The following ZYG11B variants were observed in gnomAD, a reference collection of about 807,000 sequenced individuals.
ZYG11B encodes the protein zyg-11 family member B, cell cycle regulator.
A neutral mutation model predicts 82.4 loss-of-function variants in ZYG11B; 36 were observed. The ratio of observed to expected loss-of-function variants is 0.44; its 90% confidence interval spans 0.33 to 0.58. The LOEUF is 0.58. Ranked by LOEUF, ZYG11B falls within the 20% of genes least tolerant of loss-of-function variation. The pLI, the probability that ZYG11B is intolerant of heterozygous loss-of-function variation, is 0.02. For synonymous variants in ZYG11B, 303 were observed against 312.8 expected (o/e 0.97, Z 0.33); for missense variants, 552 against 895.6 (o/e 0.62, Z 4.90).
In ZYG11B at chr1:52,803,201, TATACAC is replaced by T. The variant is rs1558140413; in HGVS notation, c.1695+1064_1695+1069del. The stretch of plus-strand genomic sequence containing the variant: ...ATATATATATATACACATATATATA[TATACAC>T]ACACATATATATATATACACACATA... On this transcript the variant is annotated intron_variant, in intron 10 of 13. Transcript: ENST00000294353. Among the ~76,000 whole-genome samples, 105 of 83,978 alleles carry T rather than the reference TATACAC, an allele frequency of 1.3e-3. 7 individuals carry two copies. Among genetic ancestry groups the T allele is most frequent in the East Asian group, 6.6e-3 (4 of 602 alleles). 55.1% of individuals were successfully genotyped at this position (83,978 alleles called of 152,430 possible).
At chr1:52,775,590 C>T (rs1644796961) in intron 3 of ZYG11B, among the ~76,000 whole-genome samples, 1 of 152,058 alleles carries the variant, frequency 6.6e-6, no homozygotes, top group African/African-American at 2.4e-5. Flanking sequence ...ATTCAGGAGG[C>T]TGAGGCAGGA....
At chr1:52,746,698 T>TG (rs1369401909) in intron 1 of ZYG11B, among the ~76,000 whole-genome samples, 2 of 133,318 alleles carry the variant, frequency 1.5e-5, no homozygotes, top group African/African-American at 2.7e-5. Flanking sequence ...TTTTTTTTTT[T>TG]TTTTTTTTTT....
chr1:52,756,702 A>G, intron 2 of ZYG11B, 79 bp downstream of exon 2: 1 of 1,403,800 alleles, frequency 7.1e-7, no homozygotes, highest in African/African-American at 1.4e-5. Flanking sequence ...TAGCCATTTA[A>G]TTATTTTCTT....
At chr1:52,788,980 A>G (rs1644934921) in intron 5 of ZYG11B, among the ~76,000 whole-genome samples, 1 of 152,212 alleles carries the variant, frequency 6.6e-6, no homozygotes, top group African/African-American at 2.4e-5. Context: ...TCAATCTGCC[A>G]GATTATGATT....
rs1358717687 is a variant in ZYG11B at position 52,771,672 on chromosome 1, C to T, written c.849C>T (p.Ala283=). The change falls in exon 3 of 14, where the codon GCC becomes GCT. Residue 283 remains alanine (A), a synonymous_variant. Transcript: ENST00000294353. The surrounding 1 kb of genome is among the most constrained non-coding windows in gnomAD (Gnocchi z 5.4). ...GGAGAAAGCACGTGACAGATAAAGC[C>T]GTTGAAGCCTTTATACAACAACGTC... is the stretch of plus-strand genomic sequence containing the variant. ...VSGRKHVTDK[A]VEAFIQQRPS... 1.5e-5 allele frequency: 24 copies of T among 1,614,056 alleles called. No individual in the cohort carries two copies. Among genetic ancestry groups the T allele is most frequent in the African/African-American group, 2.7e-5 (2 of 74,926 alleles).
Position 52,793,868 on chromosome 1 carries a change from T to TTCCTTCCTTCCTTCCTTCC in ZYG11B, c.1335-2423_1335-2422insCCTTCCTTCCTTCCTTCCT, listed in dbSNP as rs1644979935. On this transcript the variant is annotated intron_variant, in intron 6 of 13. Coordinates refer to ENST00000294353, the MANE Select transcript of ZYG11B (RefSeq NM_024646.3). The stretch of plus-strand genomic sequence containing the variant: ...TTTCTTTCTTTCTTCCTTTTCTTTC[T>TTCCTTCCTTCCTTCCTTCC]TTCCTTCCTTCCTTCCTTCCTTCCT... Among the ~76,000 whole-genome samples, 95 of 95,494 alleles carry TTCCTTCCTTCCTTCCTTCC rather than the reference T, an allele frequency of 9.9e-4. 1 individual carries two copies. Among genetic ancestry groups the TTCCTTCCTTCCTTCCTTCC allele is most frequent in the African/African-American group, 3.9e-3 (93 of 23,736 alleles). 62.6% of individuals were successfully genotyped at this position (95,494 alleles called of 152,430 possible).
chr1:52,753,694 G>T (rs1234854884), intron 1 of ZYG11B, among the ~76,000 whole-genome samples: 2 of 151,496 alleles, frequency 1.3e-5, no homozygotes, highest in East Asian at 1.9e-4. Flanking sequence ...CCTCCCGGGT[G>T]CAAGCGATTC....
chr1:52,811,164 C>T (rs1186478199), intron 10 of ZYG11B, among the ~76,000 whole-genome samples: 2 of 151,930 alleles, frequency 1.3e-5, no homozygotes, highest in East Asian at 1.9e-4. Context: ...GTTTACCTAA[C>T]AAAGTTTTTT....
Position 52,771,835 on chromosome 1 carries a change from C to G in ZYG11B, c.951+61C>G. Reference sequence around the variant, plus strand: ...ACCAATATCTTAGTTGCATAAGACTCTATTAAAGATGAATGTCTGTAATAT... The same window carrying G: ...ACCAATATCTTAGTTGCATAAGACTGTATTAAAGATGAATGTCTGTAATAT... On this transcript the variant is annotated intron_variant, in intron 3 of 13. Coordinates refer to ENST00000294353, the MANE Select transcript of ZYG11B (RefSeq NM_024646.3). The surrounding 1 kb of genome is among the most constrained non-coding windows in gnomAD (Gnocchi z 5.4). 6.6e-7 allele frequency: 1 copy of G among 1,519,786 alleles called. No individual in the cohort carries two copies. The highest frequency in any genetic ancestry group is 1.3e-5 in the South Asian group (1 of 77,192). 94.1% of individuals were successfully genotyped at this position (1,519,786 alleles called of 1,614,324 possible).
At chr1:52,805,832 A>G (rs1200278118) in intron 10 of ZYG11B, among the ~76,000 whole-genome samples, 2 of 152,176 alleles carry the variant, frequency 1.3e-5, no homozygotes, top group African/African-American at 4.8e-5. Context: ...TCTGTCTCAG[A>G]AAACAAAAAC....
chr1:52,757,928 G>A (rs748875118), intron 2 of ZYG11B, among the ~76,000 whole-genome samples: 3 of 151,862 alleles, frequency 2.0e-5, no homozygotes, highest in South Asian at 4.2e-4. Flanking sequence ...TTGGCCGGGC[G>A]CAGTGGCTCA....
intron 1 of ZYG11B, among the ~76,000 whole-genome samples, chr1:52,741,485 G>A (rs961207343): frequency 5.3e-5 from 8 of 152,076 alleles, no homozygotes; most frequent in East Asian, 1.9e-4. Context: ...TTCAAGGCTA[G>A]ACTTGGGACT....
chr1:52,739,853 G>T (rs1031264975), intron 1 of ZYG11B, among the ~76,000 whole-genome samples: 11 of 152,028 alleles, frequency 7.2e-5, no homozygotes, highest in Non-Finnish European at 8.8e-5. Flanking sequence ...TGATCTGCCT[G>T]CCTCAGCCTC....
At chr1:52,803,099 C>CACACATATATATATATAT (rs1558139992) in intron 10 of ZYG11B, among the ~76,000 whole-genome samples, 1 of 10,796 alleles carries the variant, frequency 9.3e-5, no homozygotes, top group Non-Finnish European at 1.8e-4. Flanking sequence ...TATATATATA[C>CACACATATATATATATAT]ATATATATAT....
chr1:52,745,890 C>T (rs996319667), intron 1 of ZYG11B, among the ~76,000 whole-genome samples: 7 of 126,700 alleles, frequency 5.5e-5, no homozygotes, highest in African/African-American at 1.2e-4. Flanking sequence ...TTTGTTTTGA[C>T]GGAATTTTAC....
At position 52,827,286 on chromosome 1, in the gene ZYG11B, C is replaced by T. The variant is rs1490574446; in HGVS notation, c.*5657C>T. ...CACTTAAGTATTAATGTTGTGTGTA[C>T]AGATTTTTGTTTTGGGATTTTTTTT... On this transcript the variant is annotated 3_prime_UTR_variant, in exon 14 of 14. Coordinates refer to ENST00000294353, the MANE Select transcript of ZYG11B (RefSeq NM_024646.3). 1 of 152,060 alleles carries T rather than the reference C, an allele frequency of 6.6e-6. No individual in the cohort carries two copies. Among genetic ancestry groups the T allele is most frequent in the East Asian group, 1.9e-4 (1 of 5,198 alleles). The allele number at this position is 152,060 out of a possible 1,614,324, so 9.4% of individuals were successfully genotyped here. A position where few individuals can be genotyped will look rare whatever the true frequency, so the allele number is the denominator to read the frequency against.
At chr1:52,748,871 C>T (rs1357202924) in intron 1 of ZYG11B, among the ~76,000 whole-genome samples, 1 of 143,292 alleles carries the variant, frequency 7.0e-6, no homozygotes, top group African/African-American at 2.6e-5. Flanking sequence ...CACTGCACTC[C>T]AGCCTGGGCA....
intron 1 of ZYG11B, among the ~76,000 whole-genome samples, chr1:52,754,634 A>T (rs1644555843): frequency 6.6e-6 from 1 of 152,214 alleles, no homozygotes; most frequent in South Asian, 2.1e-4. Context: ...TTCCTGCCTC[A>T]GCCTTTCAGA....
chr1:52,796,056 G>C (rs970184526), intron 6 of ZYG11B, among the ~76,000 whole-genome samples: 10 of 152,138 alleles, frequency 6.6e-5, no homozygotes, highest in African/African-American at 2.4e-4. Context: ...AAGATGAAAT[G>C]CCAAATAGTT....
Sources: allele counts gnomAD v4.1 joint callset (sites outside exome capture counted in the v4.1 genomes callset), GRCh38; gene constraint gnomAD v4.1.1; non-coding constraint Gnocchi (gnomAD v3.1); transcripts MANE v1.5; gene names NCBI Gene and HGNC (gene_info 2026-07-23, HGNC 2026-07-21).